The following GPC5 variants were observed in gnomAD, a reference collection of about 807,000 sequenced individuals.
GPC5 encodes glypican 5.
A neutral mutation model predicts 53.9 loss-of-function variants in GPC5; 47 were observed. The ratio of observed to expected loss-of-function variants is 0.87; its 90% CI spans 0.69 to 1.11. GPC5 has a LOEUF of 1.11. Among genes scored for constraint, GPC5 ranks in the 50% most tolerant of loss-of-function variants. GPC5 has a pLI of 0.00. For synonymous variants in GPC5, 286 were observed against 263.3 expected, an observed-to-expected ratio of 1.09 and a Z score of -0.84; for missense variants, 748 against 713.1, an observed-to-expected ratio of 1.05 and a Z score of -0.56.
rs79408936 is a variant in GPC5, at chr13:92,011,977, G to A, written c.1401+103920G>A. 3.1e-3 allele frequency among the ~76,000 whole-genome samples: 465 copies of A among 152,240 alleles called. 15 individuals carry two copies. In the East Asian group the frequency reaches 0.081, roughly 26 times the overall value. ...AAGCCTAAATCTTCTGTTCTCAACC[G>A]GAATGGGGAAGGTTTGAGGAGATTC... On this transcript the variant is annotated intron_variant, in intron 6 of 7. Coordinates refer to ENST00000377067, the MANE Select transcript of GPC5 (RefSeq NM_004466.6).
Position 92,547,554 on chromosome 13 carries a change from C to CCT in GPC5, c.1562-318728_1562-318727insCT, listed in dbSNP as rs555595929. ...AGCAGAATTTTAAAGGAATTATCTT[C>CCT]TTATACATTGTGTACCTGTCAACTT... On this transcript the variant is annotated intron_variant, in intron 7 of 7. Transcript: ENST00000377067. 4.6e-4 allele frequency among the ~76,000 whole-genome samples: 70 copies of CCT among 152,224 alleles called. No homozygotes were observed. In the Middle Eastern group the frequency reaches 0.017, roughly 37 times the overall value.
chr13:92,281,243 A>G lies in GPC5; in HGVS notation c.1561+136254A>G, dbSNP rs371225527. Among the ~76,000 whole-genome samples the G allele has an allele frequency of 8.8e-4, 134 of 152,332 alleles. No homozygotes were observed. The East Asian group carries it at 0.011, about 13-fold the overall frequency. On this transcript the variant is annotated intron_variant, in intron 7 of 7. Transcript: ENST00000377067. The stretch of plus-strand genomic sequence containing the variant: ...TGAGGCTTCAGTAGGTAAACAGAGC[A>G]GCCAGGAAGCTCGAACTGGGTGGAG...
Position 92,144,632 on chromosome 13 carries a change from T to C in GPC5, c.1402-198T>C, listed in dbSNP as rs116302661. On this transcript the variant is annotated intron_variant, in intron 6 of 7. Transcript: ENST00000377067. ...TGCCACAGAACTAATACATAGAGTG[T>C]AGCTCTTTATAGGTGTAAGACTTTG... Among the ~76,000 whole-genome samples, 1,054 of 152,334 alleles carry C rather than the reference T, an allele frequency of 6.9e-3. 13 individuals carry two copies. The highest frequency in any genetic ancestry group is 0.024 in the African/African-American group (1,005 of 41,570).
intron 7 of GPC5, among the ~76,000 whole-genome samples, chr13:92,821,726 A>G (rs1389937280): frequency 6.6e-6 from 1 of 152,168 alleles, no homozygotes; most frequent in Admixed American, 6.6e-5. Flanking sequence ...AAATAGCCAA[A>G]TGTTATTTCT....
chr13:92,344,516 C>T (rs1206013144), intron 7 of GPC5, among the ~76,000 whole-genome samples: 2 of 152,116 alleles, frequency 1.3e-5, no homozygotes, highest in East Asian at 3.9e-4. Flanking sequence ...ACTGATGATT[C>T]TATACATACA....
chr13:92,283,521 A>T (rs2042931752), intron 7 of GPC5, among the ~76,000 whole-genome samples: 1 of 152,208 alleles, frequency 6.6e-6, no homozygotes, highest in Non-Finnish European at 1.5e-5. Flanking sequence ...ATGTAAAAGA[A>T]CAGAAATTAT....
intron 7 of GPC5, among the ~76,000 whole-genome samples, chr13:92,538,387 G>A (rs9516091): frequency 0.43 from 63,693 of 147,006 alleles, 14,208 homozygotes; most frequent in African/African-American, 0.56. Context: ...CCTCTCTCTT[G>A]CTTCACTCCT....
intron 7 of GPC5, among the ~76,000 whole-genome samples, chr13:92,722,723 G>A (rs1035263513): frequency 5.3e-5 from 8 of 151,890 alleles, no homozygotes; most frequent in South Asian, 2.1e-4. Context: ...AAAGAAAAAA[G>A]GAATAGAACT....
chr13:91,965,891 G>A lies in GPC5; in HGVS notation c.1401+57834G>A, dbSNP rs536335995. ...TATTTAAACTGAATAAGTCCATTGGGTTATCATTCTTAGAATATTTGATTT... is the reference window on the plus strand; with the variant it reads ...TATTTAAACTGAATAAGTCCATTGGATTATCATTCTTAGAATATTTGATTT... On this transcript the variant is annotated intron_variant, in intron 6 of 7. Transcript: ENST00000377067. Among the ~76,000 whole-genome samples the A allele has an allele frequency of 5.6e-4, 86 of 152,254 alleles. 1 individual carries two copies. The highest frequency in any genetic ancestry group is 4.6e-4 in the Non-Finnish European group (31 of 68,016).
chr13:92,495,585 A>C (rs2138921259), intron 7 of GPC5, among the ~76,000 whole-genome samples: 1 of 152,074 alleles, frequency 6.6e-6, no homozygotes, highest in African/African-American at 2.4e-5. Context: ...TAACCCAGAA[A>C]AATGAAACAA....
At chr13:92,487,324 G>A (rs553124346) in intron 7 of GPC5, among the ~76,000 whole-genome samples, 3 of 152,318 alleles carry the variant, frequency 2.0e-5, no homozygotes, top group East Asian at 1.9e-4. Flanking sequence ...GTTATTTAGT[G>A]AGAGTGACCA....
chr13:91,895,864 G>A (rs1009487040), intron 5 of GPC5, among the ~76,000 whole-genome samples: 12 of 151,998 alleles, frequency 7.9e-5, no homozygotes, highest in African/African-American at 1.2e-4. Context: ...TAATTGGGCC[G>A]AAATTAAAGT....
At chr13:92,288,296 A>G (rs1056266294) in intron 7 of GPC5, among the ~76,000 whole-genome samples, 2 of 152,092 alleles carry the variant, frequency 1.3e-5, no homozygotes, top group Non-Finnish European at 2.9e-5. Flanking sequence ...ATTTTTGTGA[A>G]TGAATGTTTC....
intron 5 of GPC5, among the ~76,000 whole-genome samples, chr13:91,763,761 C>T (rs191963839): frequency 5.9e-5 from 9 of 152,198 alleles, no homozygotes; most frequent in Admixed American, 3.9e-4. Flanking sequence ...CATTGATAGT[C>T]CCTAAGTAGT....
At chr13:92,605,098 C>T (rs960487752) in intron 7 of GPC5, among the ~76,000 whole-genome samples, 3 of 152,146 alleles carry the variant, frequency 2.0e-5, no homozygotes, top group African/African-American at 7.2e-5. Context: ...AATTGTTAAT[C>T]AACCCATCAT....
chr13:92,126,844 A>G (rs1594773859), intron 6 of GPC5, among the ~76,000 whole-genome samples: 2 of 150,316 alleles, frequency 1.3e-5, no homozygotes, highest in South Asian at 4.2e-4. Context: ...GTATGTATGC[A>G]TGTGTGTGCA....
rs1294441390 is a variant in GPC5, at chr13:92,134,398, A to G, written c.1402-10432A>G. 2.0e-5 allele frequency among the ~76,000 whole-genome samples: 3 copies of G among 152,148 alleles called. No homozygotes were observed. The East Asian group carries it at 5.8e-4, about 29-fold the overall frequency. ...AGAACTGTACATTTGGGGAAAACAT[A>G]TCTTCAAATATATACGTTAAAATGT... On this transcript the variant is annotated intron_variant, in intron 6 of 7. Transcript: ENST00000377067.
At chr13:91,802,495 T>G (rs1370417386) in intron 5 of GPC5, among the ~76,000 whole-genome samples, 1 of 152,132 alleles carries the variant, frequency 6.6e-6, no homozygotes, top group Admixed American at 6.5e-5. Flanking sequence ...TTCCACAGCA[T>G]GGAAGGGGAC....
At chr13:91,640,626 A>C (rs1361362014) in intron 2 of GPC5, among the ~76,000 whole-genome samples, 2 of 152,110 alleles carry the variant, frequency 1.3e-5, no homozygotes, top group South Asian at 2.1e-4. Flanking sequence ...TCCCATTACT[A>C]GGTTTATACC....
Sources: gnomAD v4.1 joint callset for allele counts (sites outside exome capture counted in the v4.1 genomes callset) on GRCh38, gnomAD v4.1.1 for gene constraint, MANE v1.5 for transcripts, NCBI Gene and HGNC (gene_info 2026-07-23, HGNC 2026-07-21) for gene names.